The following EPHA6 variants were observed in gnomAD, a reference collection of about 807,000 sequenced individuals.
EPHA6 encodes the protein EPH receptor A6.
EPHA6 carries 50 observed loss-of-function variants against 112.0 expected under a neutral mutation model. The observed-to-expected ratio is 0.45, with a 90% CI of 0.36 to 0.56. EPHA6 has a LOEUF of 0.56. Ranked by LOEUF, EPHA6 falls within the 20% of genes least tolerant of loss-of-function variation. The pLI, the probability that EPHA6 is intolerant of heterozygous loss-of-function variation, is 0.00. For synonymous variants in EPHA6, 529 were observed against 490.7 expected (o/e 1.08, Z -1.03); for missense variants, 1,280 against 1,417.4 (o/e 0.90, Z 1.56).
At chr3:97,019,255 A>G (rs1576333268) in intron 3 of EPHA6, among the ~76,000 whole-genome samples, 1 of 152,078 alleles carries the variant, frequency 6.6e-6, no homozygotes, top group African/African-American at 2.4e-5. Context: ...ATCTTCTTTT[A>G]TAGTTTATTA....
At chr3:97,641,113 G>C (rs2093999871) in intron 14 of EPHA6, among the ~76,000 whole-genome samples, 1 of 152,306 alleles carries the variant, frequency 6.6e-6, no homozygotes, top group South Asian at 2.1e-4. Flanking sequence ...ATCCCTATTA[G>C]AGATGACCTG....
At chr3:97,043,145 A>G (rs865999545) in intron 3 of EPHA6, among the ~76,000 whole-genome samples, 1 of 152,198 alleles carries the variant, frequency 6.6e-6, no homozygotes, top group Middle Eastern at 3.4e-3. Context: ...TGAAATCCCT[A>G]AATATGTGGA....
intron 2 of EPHA6, among the ~76,000 whole-genome samples, chr3:96,882,170 C>T (rs2037353401): frequency 6.6e-6 from 1 of 152,076 alleles, no homozygotes; most frequent in Non-Finnish European, 1.5e-5. Context: ...AGGCTCTGAC[C>T]CCACATTTCC....
intron 5 of EPHA6, among the ~76,000 whole-genome samples, chr3:97,259,947 C>T (rs1276365439): frequency 2.6e-5 from 4 of 151,806 alleles, no homozygotes; most frequent in Admixed American, 6.6e-5. Context: ...ATTACAGGCA[C>T]GTGCCACCAC....
intron 2 of EPHA6, among the ~76,000 whole-genome samples, chr3:96,916,463 G>A (rs2039486619): frequency 1.3e-5 from 2 of 152,028 alleles, no homozygotes; most frequent in Admixed American, 1.3e-4. Flanking sequence ...CTGAACATCT[G>A]GGGAAAAATA....
intron 2 of EPHA6, among the ~76,000 whole-genome samples, chr3:96,893,907 G>A (rs979899397): frequency 3.3e-5 from 5 of 152,194 alleles, no homozygotes; most frequent in Non-Finnish European, 5.9e-5. Context: ...GTCTATGAAT[G>A]CTGATGTGAA....
intron 2 of EPHA6, among the ~76,000 whole-genome samples, chr3:96,923,125 G>A (rs1401995571): frequency 1.3e-5 from 2 of 152,188 alleles, no homozygotes; most frequent in East Asian, 3.9e-4. Flanking sequence ...CTTTATAATA[G>A]ATTGACTTAT....
At chr3:97,522,566 A>C (rs764704293) in intron 10 of EPHA6, among the ~76,000 whole-genome samples, 12 of 152,254 alleles carry the variant, frequency 7.9e-5, no homozygotes, top group Middle Eastern at 6.8e-3. Flanking sequence ...GCCTTGTAAA[A>C]TGAGTTTAGA....
intron 5 of EPHA6, among the ~76,000 whole-genome samples, chr3:97,378,274 AG>A (rs2085495288): frequency 1.3e-5 from 2 of 152,200 alleles, no homozygotes; most frequent in Non-Finnish European, 2.9e-5. Context: ...CTGAGGCTGT[AG>A]GTGCACAGAG....
At chr3:97,451,068 T>G (rs2090511506) in intron 7 of EPHA6, among the ~76,000 whole-genome samples, 2 of 151,916 alleles carry the variant, frequency 1.3e-5, no homozygotes, top group African/African-American at 4.8e-5. Flanking sequence ...TAACTTGGTG[T>G]GGCTGTGGTG....
intron 3 of EPHA6, among the ~76,000 whole-genome samples, chr3:97,160,644 G>C (rs868775589): frequency 7.2e-5 from 11 of 152,022 alleles, no homozygotes; most frequent in South Asian, 2.1e-4. Context: ...AGATTTCCCT[G>C]TCACCAATTT....
At chr3:97,242,677 C>A (rs777985956) in intron 4 of EPHA6, among the ~76,000 whole-genome samples, 9 of 151,820 alleles carry the variant, frequency 5.9e-5, no homozygotes, top group Non-Finnish European at 1.2e-4. Flanking sequence ...GAATGAATGG[C>A]CGTAGCTTGA....
intron 5 of EPHA6, among the ~76,000 whole-genome samples, chr3:97,268,291 A>G (rs1576807391): frequency 6.6e-6 from 1 of 152,306 alleles, no homozygotes; most frequent in East Asian, 1.9e-4. Flanking sequence ...GCTATCTCTA[A>G]CTGCAAGGCA....
chr3:97,637,316 CT>C (rs1414749622), intron 13 of EPHA6, among the ~76,000 whole-genome samples: 1 of 152,098 alleles, frequency 6.6e-6, no homozygotes, highest in African/African-American at 2.4e-5. Context: ...TATTTCTTTT[CT>C]GTTTGCTTGT....
intron 5 of EPHA6, among the ~76,000 whole-genome samples, chr3:97,333,056 C>T (rs1388490082): frequency 6.6e-6 from 1 of 151,988 alleles, no homozygotes; most frequent in Admixed American, 6.6e-5. Context: ...GGAAAATTAA[C>T]ATATTTACCA....
chr3:97,695,562 G>T (rs2032978062), intron 14 of EPHA6, among the ~76,000 whole-genome samples: 1 of 152,162 alleles, frequency 6.6e-6, no homozygotes, highest in Admixed American at 6.5e-5. Flanking sequence ...ATTTATTTAA[G>T]ACGGAGTCTC....
At chr3:97,370,708 A>C (rs1303935480) in intron 5 of EPHA6, among the ~76,000 whole-genome samples, 4 of 152,148 alleles carry the variant, frequency 2.6e-5, no homozygotes, top group Non-Finnish European at 5.9e-5. Context: ...CAGGATGACA[A>C]ATGAACATTT....
chr3:97,459,713 A>G (rs2090821695), intron 7 of EPHA6, among the ~76,000 whole-genome samples: 1 of 152,162 alleles, frequency 6.6e-6, no homozygotes, highest in African/African-American at 2.4e-5. Flanking sequence ...AACCTTCCAA[A>G]TATCTTTTTT....
At position 97,562,825 on chromosome 3, in the gene EPHA6, C is replaced by T. The variant is rs576962761; in HGVS notation, c.2387-29787C>T. 1.3e-4 allele frequency among the ~76,000 whole-genome samples: 20 copies of T among 152,226 alleles called. No individual in the cohort carries two copies. In the South Asian group the frequency reaches 3.3e-3, roughly 25 times the overall value. On this transcript the variant is annotated intron_variant, in intron 11 of 17. Transcript: ENST00000389672. ...TCAGAAATTGCCACAGCCACCCCAA[C>T]GTTCGGATACATCAGCAGCCATCAA...
Sources: allele counts gnomAD v4.1 joint callset (sites outside exome capture counted in the v4.1 genomes callset), GRCh38; gene constraint gnomAD v4.1.1; transcripts MANE v1.5; gene names NCBI Gene and HGNC (gene_info 2026-07-23, HGNC 2026-07-21).